The following PLEKHH2 variants were observed in gnomAD, a reference collection of about 807,000 sequenced individuals.
PLEKHH2 encodes the protein pleckstrin homology domain-containing family H member 2.
Under a neutral mutation model 187.9 loss-of-function variants are expected in PLEKHH2, and 129 were observed. That is an observed-to-expected ratio of 0.69 (90% CI 0.59 to 0.79). PLEKHH2 has a LOEUF of 0.79. PLEKHH2 is among the 30% of genes least tolerant of loss of function. The pLI, the probability that PLEKHH2 is intolerant of heterozygous loss-of-function variation, is 0.00. For missense variants in PLEKHH2, 2,076 were observed against 1,751.2 expected, an observed-to-expected ratio of 1.19 and a Z score of -3.31; for synonymous variants, 686 against 605.6, an observed-to-expected ratio of 1.13 and a Z score of -1.95.
At chr2:43,708,163 C>G (rs1478002234) in intron 11 of PLEKHH2, among the ~76,000 whole-genome samples, 1 of 152,154 alleles carries the variant, frequency 6.6e-6, no homozygotes, top group Non-Finnish European at 1.5e-5. Flanking sequence ...CTCAGCCTTC[C>G]TTGGTTTCAT....
chr2:43,641,841 A>G (rs1358494138), intron 1 of PLEKHH2, among the ~76,000 whole-genome samples: 1 of 152,224 alleles, frequency 6.6e-6, no homozygotes, highest in Non-Finnish European at 1.5e-5. Context: ...GTTTATCTAT[A>G]TATCTATCTT....
intron 2 of PLEKHH2, among the ~76,000 whole-genome samples, chr2:43,671,143 C>A (rs375459682): frequency 1.3e-5 from 2 of 152,030 alleles, no homozygotes; most frequent in Non-Finnish European, 2.9e-5. Flanking sequence ...CCTGCCACCA[C>A]GACCAGCTAT....
chr2:43,673,897 A>G (rs1195845113), intron 2 of PLEKHH2, among the ~76,000 whole-genome samples: 1 of 152,156 alleles, frequency 6.6e-6, no homozygotes, highest in Non-Finnish European at 1.5e-5. Context: ...AAAGCAAGTA[A>G]CTTTTGAGCC....
intron 1 of PLEKHH2, among the ~76,000 whole-genome samples, chr2:43,641,496 T>G (rs1665921087): frequency 1.1e-5 from 1 of 92,814 alleles, no homozygotes; most frequent in African/African-American, 5.3e-5. Context: ...GAGATTTGTT[T>G]TGCAATTTTT....
At chr2:43,648,560 C>CCT (rs3223391) in intron 2 of PLEKHH2, among the ~76,000 whole-genome samples, 4 of 137,852 alleles carry the variant, frequency 2.9e-5, no homozygotes, top group Non-Finnish European at 6.2e-5. Context: ...TAATTACATT[C>CCT]GTGTGTGTGT....
chr2:43,729,379 T>C (rs966883217), intron 17 of PLEKHH2, among the ~76,000 whole-genome samples: 36 of 152,230 alleles, frequency 2.4e-4, no homozygotes, highest in African/African-American at 8.2e-4. Flanking sequence ...TAACATGTGT[T>C]ACTCGTCTTA....
At chr2:43,753,242 T>A (rs926636514) in intron 24 of PLEKHH2, among the ~76,000 whole-genome samples, 2 of 152,244 alleles carry the variant, frequency 1.3e-5, no homozygotes, top group South Asian at 2.1e-4. Context: ...AGAAAATTGC[T>A]TCATCCCTTT....
Position 43,700,585 on chromosome 2 carries a change from C to G in PLEKHH2, c.1627C>G (p.Pro543Ala), listed in dbSNP as rs1190273423. ...GGCATACAGCAAACCTCCAACTCCT[C>G]CCCTGCACCGTTTTCCTTCTTGGGT... Reference protein sequence around the residue: ...KVAYSKPPTPPLHRFPSWESR... With the variant: ...KVAYSKPPTPALHRFPSWESR... The change falls in exon 8 of 30, where the codon CCC becomes GCC. Residue 543 changes from proline (P) to alanine (A), a missense_variant. Coordinates refer to ENST00000282406, the MANE Select transcript of PLEKHH2 (RefSeq NM_172069.4). The G allele has an allele frequency of 4.3e-6, 7 of 1,609,872 alleles. No individual in the cohort carries two copies. The highest frequency in any genetic ancestry group is 5.9e-6 in the Non-Finnish European group (7 of 1,179,084).
chr2:43,694,347 G>A (rs972940439), intron 4 of PLEKHH2, 84 bp from the exon 5 acceptor site: 2 of 1,406,410 alleles, frequency 1.4e-6, no homozygotes, highest in Non-Finnish European at 1.9e-6. Flanking sequence ...GTTTTAAGTG[G>A]ATATGCCTTG....
At chr2:43,752,077 A>G (rs930138116) in intron 24 of PLEKHH2, among the ~76,000 whole-genome samples, 1 of 152,118 alleles carries the variant, frequency 6.6e-6, no homozygotes, top group South Asian at 2.1e-4. Flanking sequence ...CAAACCTTCC[A>G]GTGGTAACAC....
rs1214149969 is a variant in PLEKHH2, at chr2:43,678,728, AGAGGTGGAAGTG to A, written c.124-126_124-115del. 2.3e-3 allele frequency: 924 copies of A among 403,726 alleles called. 7 individuals are homozygous for A. Among genetic ancestry groups the A allele is most frequent in the African/African-American group, 0.019 (718 of 38,062 alleles). The allele number at this position is 403,726 out of a possible 1,614,324, so 25.0% of individuals were successfully genotyped here. A position where few individuals can be genotyped will look rare whatever the true frequency, so the allele number is the denominator to read the frequency against. ...AGAGAGGGAGAGGGAGACCGTGGGT[AGAGGTGGAAGTG>A]GAGGTGGAGGTGGAGGTGGAGGTGG... On this transcript the variant is annotated intron_variant, in intron 2 of 29. Transcript: ENST00000282406.
intron 15 of PLEKHH2, among the ~76,000 whole-genome samples, chr2:43,715,263 A>T (rs1670159028): frequency 6.6e-6 from 1 of 151,934 alleles, no homozygotes; most frequent in South Asian, 2.1e-4. Context: ...GCGACAAATG[A>T]AACTCCGTCT....
At chr2:43,696,407 G>C (rs1669093176) in intron 6 of PLEKHH2, among the ~76,000 whole-genome samples, 1 of 150,836 alleles carries the variant, frequency 6.6e-6, no homozygotes, top group Non-Finnish European at 1.5e-5. Context: ...AGGATCACTT[G>C]AGCCCGGGAG....
chr2:43,755,290 T>G (rs1046838052), intron 25 of PLEKHH2, among the ~76,000 whole-genome samples: 9 of 152,158 alleles, frequency 5.9e-5, no homozygotes, highest in African/African-American at 2.2e-4. Flanking sequence ...ACCTGGGAAT[T>G]ATCATGACTC....
At chr2:43,751,681 G>T (rs1190226646) in intron 24 of PLEKHH2, among the ~76,000 whole-genome samples, 1 of 152,208 alleles carries the variant, frequency 6.6e-6, no homozygotes, top group Non-Finnish European at 1.5e-5. Context: ...AGCCCATTCT[G>T]TCTGCTGCAG....
At position 43,726,445 on chromosome 2, in the gene PLEKHH2, T is replaced by C; in HGVS notation, c.2715T>C (p.His905=). The C allele has an allele frequency of 6.2e-7, 1 of 1,600,840 alleles. No individual in the cohort carries two copies. Among genetic ancestry groups the C allele is most frequent in the Non-Finnish European group, 8.6e-7 (1 of 1,168,138 alleles). Residue 905 remains histidine, a synonymous_variant, in exon 17 of 30, where the codon CAT becomes CAC. Coordinates refer to ENST00000282406, the MANE Select transcript of PLEKHH2 (RefSeq NM_172069.4). ...CTTACCTCCTAATTGGATCCAAGCA[T>C]GAAAAGGTATTCAAAGACTTATTGG... The part of the protein sequence containing the change: ...GPTYLLIGSK[H]EKDTWLYHLT...
At chr2:43,746,436 A>T (rs1191274484) in intron 24 of PLEKHH2, among the ~76,000 whole-genome samples, 1 of 152,112 alleles carries the variant, frequency 6.6e-6, no homozygotes, top group African/African-American at 2.4e-5. Context: ...ACCTGAGCCC[A>T]GGAGGTTGAG....
chr2:43,702,083 G>A (rs547273721), intron 8 of PLEKHH2, among the ~76,000 whole-genome samples: 1 of 152,272 alleles, frequency 6.6e-6, no homozygotes, highest in South Asian at 2.1e-4. Flanking sequence ...GAAATGATCT[G>A]TTATAGATTT....
chr2:43,684,176 C>A (rs1457326901), intron 3 of PLEKHH2, among the ~76,000 whole-genome samples: 1 of 151,624 alleles, frequency 6.6e-6, no homozygotes, highest in Non-Finnish European at 1.5e-5. Flanking sequence ...ACTCCCCTTC[C>A]TTTTCCTTCT....
Sources: allele counts gnomAD v4.1 joint callset (sites outside exome capture counted in the v4.1 genomes callset), GRCh38; gene constraint gnomAD v4.1.1; transcripts MANE v1.5; gene names NCBI Gene and HGNC (gene_info 2026-07-23, HGNC 2026-07-21).